The following COLEC12 variants were observed in gnomAD, a reference collection of about 807,000 sequenced individuals.
COLEC12 encodes the protein collectin-12.
Under a neutral mutation model 71.1 loss-of-function variants are expected in COLEC12, and 33 were observed. The ratio of observed to expected loss-of-function variants is 0.46; its 90% CI spans 0.35 to 0.62. COLEC12 has a LOEUF of 0.62. Ranked by LOEUF, COLEC12 falls within the 20% of genes least tolerant of loss-of-function variation. The pLI is 0.00. For missense variants in COLEC12, 765 were observed against 916.1 expected, an observed-to-expected ratio of 0.84 and a Z score of 2.13; for synonymous variants, 350 against 353.0, an observed-to-expected ratio of 0.99 and a Z score of 0.10.
intron 8 of COLEC12, among the ~76,000 whole-genome samples, chr18:323,948 C>T (rs180996098): frequency 1.2e-4 from 18 of 152,218 alleles, no homozygotes; most frequent in Admixed American, 6.5e-4. Context: ...TAATCTTTAT[C>T]GCCTTTCTCC....
At chr18:407,132 G>C (rs948209) in intron 2 of COLEC12, among the ~76,000 whole-genome samples, 21,487 of 152,294 alleles carry the variant, frequency 0.14, 2,012 homozygotes, top group East Asian at 0.32. Context: ...CCCTGTGTCA[G>C]TGTTGAGGTG....
At chr18:437,582 T>C (rs1916432237) in intron 2 of COLEC12, among the ~76,000 whole-genome samples, 1 of 152,202 alleles carries the variant, frequency 6.6e-6, no homozygotes, top group Non-Finnish European at 1.5e-5. Flanking sequence ...GGTTGAGTTA[T>C]GTCTCTTTAC....
At chr18:426,425 G>T (rs187076518) in intron 2 of COLEC12, among the ~76,000 whole-genome samples, 1 of 152,318 alleles carries the variant, frequency 6.6e-6, no homozygotes, top group Non-Finnish European at 1.5e-5. Flanking sequence ...GAAGAGCAAT[G>T]TAAGTGATTT....
intron 2 of COLEC12, among the ~76,000 whole-genome samples, chr18:426,288 T>C (rs1916196989): frequency 7.7e-6 from 1 of 129,678 alleles, no homozygotes; most frequent in Admixed American, 7.4e-5. Flanking sequence ...CCAGAATGAT[T>C]AATGGGTGTT....
At chr18:406,049 T>G (rs1200897468) in intron 2 of COLEC12, among the ~76,000 whole-genome samples, 1 of 152,050 alleles carries the variant, frequency 6.6e-6, no homozygotes, top group Non-Finnish European at 1.5e-5. Context: ...CAAAAACAGA[T>G]GGCAATGAGA....
At chr18:485,530 G>A (rs1305816235) in intron 1 of COLEC12, among the ~76,000 whole-genome samples, 1 of 152,154 alleles carries the variant, frequency 6.6e-6, no homozygotes, top group East Asian at 1.9e-4. Context: ...TAATCCTACA[G>A]GCTATGTTAT....
chr18:470,793 G>A (rs1171042360), intron 2 of COLEC12, among the ~76,000 whole-genome samples: 1 of 151,998 alleles, frequency 6.6e-6, no homozygotes, highest in Non-Finnish European at 1.5e-5. Context: ...TTTTAACAAG[G>A]GGAACAATAT....
chr18:426,959 T>A (rs1893713793), intron 2 of COLEC12, among the ~76,000 whole-genome samples: 1 of 152,190 alleles, frequency 6.6e-6, no homozygotes, highest in African/African-American at 2.4e-5. Flanking sequence ...TGGAACTAAA[T>A]AACTTCCTAG....
chr18:359,697 T>C (rs1020612724), intron 2 of COLEC12, among the ~76,000 whole-genome samples: 2 of 152,220 alleles, frequency 1.3e-5, no homozygotes, highest in African/African-American at 4.8e-5. Flanking sequence ...AAAATCACAT[T>C]GTAAGGAATA....
chr18:398,014 T>C (rs1178822111), intron 2 of COLEC12, among the ~76,000 whole-genome samples: 1 of 152,218 alleles, frequency 6.6e-6, no homozygotes, highest in Admixed American at 6.5e-5. Context: ...CTTAAATACT[T>C]ACACAGGTCC....
chr18:478,540 G>T (rs1187442861), intron 2 of COLEC12, among the ~76,000 whole-genome samples: 1 of 152,156 alleles, frequency 6.6e-6, no homozygotes, highest in East Asian at 1.9e-4. Context: ...TTGAGCCCAG[G>T]AATTCAAGGT....
chr18:398,169 T>C (rs1440364867), intron 2 of COLEC12, among the ~76,000 whole-genome samples: 3 of 152,230 alleles, frequency 2.0e-5, no homozygotes, highest in Non-Finnish European at 4.4e-5. Context: ...GAAGAATATG[T>C]TGTGTCTCTT....
intron 2 of COLEC12, among the ~76,000 whole-genome samples, chr18:365,528 A>G (rs1256747617): frequency 1.3e-5 from 2 of 152,168 alleles, no homozygotes; most frequent in Non-Finnish European, 2.9e-5. Context: ...GAACCCCAAA[A>G]GCCAGTCTTC....
At chr18:444,042 C>T (rs899241208) in intron 2 of COLEC12, among the ~76,000 whole-genome samples, 2 of 152,102 alleles carry the variant, frequency 1.3e-5, no homozygotes, top group African/African-American at 2.4e-5. Flanking sequence ...CCTGTACAGC[C>T]GGTACAACCA....
Position 348,050 on chromosome 18 carries a change from C to T in COLEC12, c.280+15G>A. 2 of 1,566,496 alleles carry T rather than the reference C, an allele frequency of 1.3e-6. No homozygotes were observed. The highest frequency in any genetic ancestry group is 1.8e-6 in the Non-Finnish European group (2 of 1,137,592). ...GAGTCAGGGGATTTCATGGTTTAGT[C>T]TTGTCACAGATTACCTAATTTTTTC... On this transcript the variant is annotated intron_variant, in intron 4 of 9. Transcript: ENST00000400256.
At chr18:361,892 T>TC (rs1433575311) in intron 2 of COLEC12, among the ~76,000 whole-genome samples, 1 of 152,190 alleles carries the variant, frequency 6.6e-6, no homozygotes, top group Admixed American at 6.5e-5. Context: ...TTCTTATGCC[T>TC]CTTCAGGATG....
rs914310740 is a variant in COLEC12 at position 399,260 on chromosome 18, T to C, written c.59-41738A>G. On this transcript the variant is annotated intron_variant, in intron 2 of 9. Coordinates refer to ENST00000400256, the MANE Select transcript of COLEC12 (RefSeq NM_130386.3). The surrounding 1 kb of genome is among the most constrained non-coding windows in gnomAD (Gnocchi z 4.0). Reference sequence around the variant, plus strand: ...CAGGCTAAGCGTAAGATGCTATTGATGGAATGAACTTCAGACTACTGGAAT... The same window carrying C: ...CAGGCTAAGCGTAAGATGCTATTGACGGAATGAACTTCAGACTACTGGAAT... 6.6e-6 allele frequency among the ~76,000 whole-genome samples: 1 copy of C among 152,236 alleles called. No individual in the cohort carries two copies. Among genetic ancestry groups the C allele is most frequent in the Admixed American group, 6.5e-5 (1 of 15,292 alleles).
At chr18:442,002 TACA>T (rs1916548491) in intron 2 of COLEC12, among the ~76,000 whole-genome samples, 1 of 120,744 alleles carries the variant, frequency 8.3e-6, no homozygotes, top group Admixed American at 7.9e-5. Flanking sequence ...TCTCTCTCTC[TACA>T]CACACACACA....
intron 8 of COLEC12, among the ~76,000 whole-genome samples, chr18:323,508 C>T (rs184255673): frequency 1.7e-3 from 261 of 152,334 alleles, no homozygotes; most frequent in African/African-American, 4.9e-3. Context: ...AGTTCAAAAT[C>T]TCAGCCTGTG....
Sources: gnomAD v4.1 joint callset for allele counts (sites outside exome capture counted in the v4.1 genomes callset) on GRCh38, gnomAD v4.1.1 for gene constraint, Gnocchi (gnomAD v3.1) non-coding constraint, MANE v1.5 for transcripts, NCBI Gene and HGNC (gene_info 2026-07-23, HGNC 2026-07-21) for gene names.